RPS21: variants seen among roughly 807,000 people sequenced by gnomAD.
The protein encoded by RPS21 is ribosomal protein S21, also known as small ribosomal subunit protein eS21.
A neutral mutation model predicts 14.5 loss-of-function variants in RPS21; 6 were observed. The ratio of observed to expected loss-of-function variants is 0.41; its 90% CI spans 0.23 to 0.82. The LOEUF (loss-of-function observed/expected upper bound fraction) is 0.82. RPS21 is among the 40% of genes least tolerant of loss of function. RPS21 has a pLI of 0.31. For synonymous variants in RPS21, 61 were observed against 42.6 expected (o/e 1.43, Z -1.69); for missense variants, 85 against 115.0 (o/e 0.74, Z 1.19).
At chr20:62,388,033 A>G (rs759816300) in intron 4 of RPS21, 119 bp downstream of exon 4, 12 of 1,585,372 alleles carry the variant, frequency 7.6e-6, no homozygotes, top group Non-Finnish European at 9.4e-6. Context: ...AGCCAGCTGG[A>G]CTGGGCTGGC....
intron 2 of RPS21, 101 bp downstream of exon 2, chr20:62,387,489 G>A (rs1380736654): frequency 1.3e-6 from 2 of 1,585,100 alleles, no homozygotes; most frequent in Non-Finnish European, 1.7e-6. Flanking sequence ...ACCTCGTCAC[G>A]TCCCTAACTT....
intron 5 of RPS21, 23 bp from the exon 6 acceptor site, chr20:62,388,434 T>A (rs1987831167): frequency 6.2e-7 from 1 of 1,613,886 alleles, no homozygotes; most frequent in African/African-American, 1.3e-5. Context: ...GGTCTTAACG[T>A]TGTCCTTTTC....
In RPS21 at chr20:62,388,500, T is replaced by C; in HGVS notation, c.*34T>C. On this transcript the variant is annotated 3_prime_UTR_variant, in exon 6 of 6. Coordinates refer to ENST00000343986, the MANE Select transcript of RPS21 (RefSeq NM_001024.4). ...AATCACAGATGTGGAATATTTGTCA[T>C]AAATAAATAATGAAAACCTACCTGT... The C allele has an allele frequency of 6.2e-7, 1 of 1,610,026 alleles. No individual in the cohort carries two copies. Among genetic ancestry groups the C allele is most frequent in the Non-Finnish European group, 8.5e-7 (1 of 1,176,376 alleles).
chr20:62,387,928 T>C lies in RPS21; in HGVS notation c.186+14T>C. The C allele has an allele frequency of 6.2e-7, 1 of 1,614,248 alleles. No homozygotes were observed. On this transcript the variant is annotated intron_variant, in intron 4 of 5. Transcript: ENST00000343986. ...ATTCGTAGGATGGTGAGTGTTTCCC[T>C]GGGCTTTGCTCATCACTTCGGGACA... is the stretch of plus-strand genomic sequence containing the variant.
At chr20:62,387,185 G>C in intron 1 of RPS21, 49 bp downstream of exon 1, 3 of 608,342 alleles carry the variant, frequency 4.9e-6, no homozygotes, top group Non-Finnish European at 8.3e-6. Flanking sequence ...GCTGGGGCGG[G>C]AGTGGGGGCT....
chr20:62,388,369 G>C lies in RPS21; in HGVS notation c.242+5G>C. The C allele has an allele frequency of 6.2e-7, 1 of 1,608,566 alleles. No homozygotes were observed. Among genetic ancestry groups the C allele is most frequent in the Non-Finnish European group, 8.5e-7 (1 of 1,178,598 alleles). ...GGCCGATGGCATCGTCTCAAAGTAA[G>C]GTTGGGGGCTCACATTTGGGCAGAG... On this transcript the variant is annotated splice_donor_5th_base_variant and intron_variant, in intron 5 of 5. Transcript: ENST00000343986.
chr20:62,387,615 G>A lies in RPS21; in HGVS notation c.55G>A (p.Ala19Thr), dbSNP rs1251145714. The A allele has an allele frequency of 1.4e-5, 23 of 1,612,144 alleles. No individual in the cohort carries two copies. Among genetic ancestry groups the A allele is most frequent in the Non-Finnish European group, 1.9e-5 (22 of 1,178,844 alleles). Residue 19 changes from alanine (A) to threonine (T), a missense_variant, in exon 3 of 6, where the codon GCT becomes ACT. Physicochemically the swap from Ala to Thr is moderately conservative, Grantham distance 58 (BLOSUM62 0). Transcript: ENST00000343986. The stretch of plus-strand genomic sequence containing the variant: ...CACTGCGCCCTTTCTCCACAGCTCC[G>A]CTAGCAATCGCATCATCGGTGCCAA... ...VDLYVPRKCS[A>T]SNRIIGAKDH...
In RPS21 at chr20:62,387,402, A is replaced by G. The variant is rs1326178016; in HGVS notation, c.50+14A>G. On this transcript the variant is annotated intron_variant, in intron 2 of 5. Transcript: ENST00000343986. ...GCCGCGGAAATGGTAAGCGCCCCCC[A>G]CATGCCTCTCTTCCGTCCTTACCTA... is the stretch of plus-strand genomic sequence containing the variant. 2 of 1,607,474 alleles carry G rather than the reference A, an allele frequency of 1.2e-6. No individual in the cohort carries two copies. The highest frequency in any genetic ancestry group is 1.7e-6 in the Non-Finnish European group (2 of 1,177,190).
chr20:62,387,268 G>C, intron 1 of RPS21, 53 bp from the exon 2 acceptor site: 1 of 1,423,410 alleles, frequency 7.0e-7, no homozygotes, highest in South Asian at 1.2e-5. Flanking sequence ...TTTGCGCCGG[G>C]AGCCGGGGCA....
chr20:62,388,196 G>A (rs769995616), intron 4 of RPS21, 113 bp from the exon 5 acceptor site: 56 of 1,460,300 alleles, frequency 3.8e-5, no homozygotes, highest in Non-Finnish European at 5.1e-5. Flanking sequence ...TTCTGCGCCT[G>A]TCTCCATTCG....
chr20:62,387,992 G>T, intron 4 of RPS21, 78 bp downstream of exon 4: 1 of 1,613,722 alleles, frequency 6.2e-7, no homozygotes, highest in South Asian at 1.1e-5. Flanking sequence ...GTGTGATGGT[G>T]CCTGAGTAGA....
At chr20:62,388,171 G>A (rs1360021047) in intron 4 of RPS21, 138 bp from the exon 5 acceptor site, 9 of 1,467,534 alleles carry the variant, frequency 6.1e-6, no homozygotes, top group Middle Eastern at 2.0e-4. Context: ...GCTGCCCCGG[G>A]AGAGGTGGCT....
intron 2 of RPS21, 32 bp downstream of exon 2, chr20:62,387,420 C>G (rs550429233): frequency 1.2e-6 from 2 of 1,607,326 alleles, no homozygotes; most frequent in South Asian, 1.1e-5. Context: ...CTCTTCCGTC[C>G]TTACCTAACC....
chr20:62,387,185 G>A, intron 1 of RPS21, 49 bp downstream of exon 1: 1 of 608,342 alleles, frequency 1.6e-6, no homozygotes, highest in Non-Finnish European at 2.8e-6. Context: ...GCTGGGGCGG[G>A]AGTGGGGGCT....
rs1238988215 is a variant in RPS21, at chr20:62,387,143, C to G, written c.-19+7C>G. The G allele has an allele frequency of 2.0e-6, 1 of 495,710 alleles. No homozygotes were observed. Among genetic ancestry groups the G allele is most frequent in the Non-Finnish European group, 3.5e-6 (1 of 283,618 alleles). The allele number at this position is 495,710 out of a possible 1,614,324, so 30.7% of individuals were successfully genotyped here. ...CGCGGTGTGGTGGCAGCAGGTGTGGCGCGCGGCGCGGGCTTCGGGCTCAGG... is the reference window on the plus strand; with the variant it reads ...CGCGGTGTGGTGGCAGCAGGTGTGGGGCGCGGCGCGGGCTTCGGGCTCAGG... On this transcript the variant is annotated splice_region_variant and intron_variant, in intron 1 of 5. Transcript: ENST00000343986.
At chr20:62,387,220 G>T in intron 1 of RPS21, 84 bp downstream of exon 1, 1 of 818,032 alleles carries the variant, frequency 1.2e-6, no homozygotes, top group Non-Finnish European at 1.9e-6. Flanking sequence ...GGGGTGCGGG[G>T]TGCTGGGTGC....
At chr20:62,387,812 G>A (rs1987792931) in intron 3 of RPS21, 31 bp from the exon 4 acceptor site, 2 of 1,613,930 alleles carry the variant, frequency 1.2e-6, no homozygotes, top group Non-Finnish European at 1.7e-6. Context: ...AAACCTGGGG[G>A]AGTGGTTTGT....
Position 62,387,526 on chromosome 20 carries a change from C to T in RPS21, c.51-85C>T. ...TCCTGCCCCCGACGTTACTCTTTTC[C>T]ATTCATATACCCCCAACCTCCCTCG... is the stretch of plus-strand genomic sequence containing the variant. On this transcript the variant is annotated intron_variant, in intron 2 of 5. Coordinates refer to ENST00000343986, the MANE Select transcript of RPS21 (RefSeq NM_001024.4). The T allele has an allele frequency of 3.8e-6, 6 of 1,586,782 alleles. No individual in the cohort carries two copies. In the Admixed American group the frequency reaches 5.1e-5, roughly 13 times the overall value.
chr20:62,388,267 G>A (rs779778483), intron 4 of RPS21, 42 bp from the exon 5 acceptor site: 12 of 1,571,520 alleles, frequency 7.6e-6, no homozygotes, highest in East Asian at 6.7e-5. Context: ...TCAGGCAGCC[G>A]GAGTGGAAAT....
Sources: gnomAD v4.1 joint callset for allele counts on GRCh38, gnomAD v4.1.1 for gene constraint, MANE v1.5 for transcripts, NCBI Gene and HGNC (gene_info 2026-07-23, HGNC 2026-07-21) for gene names.